MECOM: variants seen among roughly 807,000 people sequenced by gnomAD.
The protein encoded by MECOM is histone-lysine N-methyltransferase MECOM.
MECOM carries 13 observed loss-of-function variants against 116.3 expected under a neutral mutation model. That is an observed-to-expected ratio of 0.11 (90% CI 0.07 to 0.18). The LOEUF (loss-of-function observed/expected upper bound fraction) is 0.18, where lower values mean the gene tolerates loss of function less well. Among genes scored for constraint, MECOM ranks in the 10% least tolerant of loss-of-function variants. MECOM has a pLI of 1.00. For missense variants in MECOM, 1,299 were observed against 1,509.0 expected (o/e 0.86, Z 2.31); for synonymous variants, 528 against 535.2 (o/e 0.99, Z 0.19).
chr3:169,640,286 G>A (rs1773304563), intron 1 of MECOM, among the ~76,000 whole-genome samples: 1 of 152,106 alleles, frequency 6.6e-6, no homozygotes, highest in Admixed American at 6.5e-5. Flanking sequence ...CTTACCATTT[G>A]TCAGCCCACA....
chr3:169,483,748 C>A, intron 1 of MECOM: 1 of 1,600,212 alleles, frequency 6.2e-7, no homozygotes, highest in Non-Finnish European at 8.5e-7. Context: ...TTGCTGTTAG[C>A]AACTACGCGC....
intron 2 of MECOM, among the ~76,000 whole-genome samples, chr3:169,354,086 T>C (rs906820469): frequency 2.0e-5 from 3 of 151,886 alleles, no homozygotes; most frequent in African/African-American, 7.2e-5. Flanking sequence ...ACGTGAGTTA[T>C]AAAGTCCTGA....
intron 2 of MECOM, among the ~76,000 whole-genome samples, chr3:169,194,283 G>A (rs1218897128): frequency 1.3e-5 from 2 of 151,974 alleles, no homozygotes; most frequent in East Asian, 3.9e-4. Context: ...ATGGACACAG[G>A]AAGGGGAACA....
At chr3:169,513,942 A>G (rs1179274473) in intron 1 of MECOM, among the ~76,000 whole-genome samples, 1 of 152,230 alleles carries the variant, frequency 6.6e-6, no homozygotes, top group Non-Finnish European at 1.5e-5. Context: ...AATGCCAGTC[A>G]TAGGCACAAC....
chr3:169,335,466 T>C (rs995628973), intron 2 of MECOM, among the ~76,000 whole-genome samples: 1 of 152,132 alleles, frequency 6.6e-6, no homozygotes. Flanking sequence ...AAAATTGAGG[T>C]GAGCTCAGCG....
chr3:169,141,522 C>A (rs529953693), intron 3 of MECOM, among the ~76,000 whole-genome samples: 1 of 151,992 alleles, frequency 6.6e-6, no homozygotes, highest in Non-Finnish European at 1.5e-5. Flanking sequence ...AAAAACAGAC[C>A]TAGAGAATCT....
chr3:169,534,386 G>A (rs1246776237), intron 1 of MECOM, among the ~76,000 whole-genome samples: 1 of 152,096 alleles, frequency 6.6e-6, no homozygotes, highest in African/African-American at 2.4e-5. Context: ...CCTGGATAAA[G>A]CACCCAGACA....
chr3:169,344,091 T>C (rs529422881), intron 2 of MECOM, among the ~76,000 whole-genome samples: 230 of 152,220 alleles, frequency 1.5e-3, no homozygotes, highest in African/African-American at 5.1e-3. Context: ...GGATAAAAAA[T>C]AAAAGATTGA....
chr3:169,489,449 G>C (rs1752811608), intron 1 of MECOM, among the ~76,000 whole-genome samples: 1 of 152,164 alleles, frequency 6.6e-6, no homozygotes, highest in South Asian at 2.1e-4. Flanking sequence ...AAACAATCTT[G>C]AGGAAGAGAA....
At chr3:169,474,803 A>C (rs1212156143) in intron 1 of MECOM, among the ~76,000 whole-genome samples, 3 of 135,088 alleles carry the variant, frequency 2.2e-5, no homozygotes, top group Non-Finnish European at 4.7e-5. Flanking sequence ...GATAACTGAT[A>C]TATATTAGCT....
At chr3:169,352,202 A>T (rs961975568) in intron 2 of MECOM, among the ~76,000 whole-genome samples, 8 of 151,972 alleles carry the variant, frequency 5.3e-5, no homozygotes, top group Non-Finnish European at 1.2e-4. Flanking sequence ...TAAAACAAGT[A>T]GATTTTCCTG....
chr3:169,247,948 G>T (rs1755797154), intron 2 of MECOM, among the ~76,000 whole-genome samples: 1 of 152,146 alleles, frequency 6.6e-6, no homozygotes, highest in African/African-American at 2.4e-5. Context: ...CCAACTAGCT[G>T]ACTTTTGCCC....
intron 2 of MECOM, among the ~76,000 whole-genome samples, chr3:169,230,479 C>A (rs897157367): frequency 6.6e-6 from 1 of 152,064 alleles, no homozygotes; most frequent in Admixed American, 6.6e-5. Flanking sequence ...TCCAAGATAC[C>A]AGTTCATTAT....
chr3:169,591,799 C>T (rs556414914), intron 1 of MECOM, among the ~76,000 whole-genome samples: 25 of 152,212 alleles, frequency 1.6e-4, no homozygotes, highest in South Asian at 6.2e-4. Flanking sequence ...GCATGCTCTC[C>T]GGCAACAATA....
intron 2 of MECOM, among the ~76,000 whole-genome samples, chr3:169,363,707 GT>G (rs1728699953): frequency 1.3e-5 from 2 of 151,844 alleles, no homozygotes; most frequent in Non-Finnish European, 2.9e-5. Flanking sequence ...CCGAAAAACT[GT>G]ATAAAGACCA....
At chr3:169,530,865 T>A (rs1403257876) in intron 1 of MECOM, among the ~76,000 whole-genome samples, 1 of 151,546 alleles carries the variant, frequency 6.6e-6, no homozygotes, top group Non-Finnish European at 1.5e-5. Flanking sequence ...GTAAAAATAT[T>A]ACCTACCATT....
At chr3:169,654,805 C>G (rs1775331016) in intron 1 of MECOM, among the ~76,000 whole-genome samples, 1 of 129,192 alleles carries the variant, frequency 7.7e-6, no homozygotes, top group Non-Finnish European at 1.6e-5. Context: ...AGTACTTCCA[C>G]CTATCAAAAC....
chr3:169,369,292 A>G (rs1459734197), intron 2 of MECOM, among the ~76,000 whole-genome samples: 4 of 150,260 alleles, frequency 2.7e-5, no homozygotes, highest in African/African-American at 9.8e-5. Context: ...AAAACCAGAG[A>G]CAGTCCATGG....
chr3:169,337,692 C>T (rs1723802602), intron 2 of MECOM, among the ~76,000 whole-genome samples: 2 of 152,138 alleles, frequency 1.3e-5, no homozygotes, highest in African/African-American at 4.8e-5. Flanking sequence ...ATACTGTGTA[C>T]TCAGAAGATG....
Sources: allele counts gnomAD v4.1 joint callset (sites outside exome capture counted in the v4.1 genomes callset), GRCh38; gene constraint gnomAD v4.1.1; transcripts MANE v1.5; gene names NCBI Gene and HGNC (gene_info 2026-07-23, HGNC 2026-07-21).